Variants in TTC23 observed in about 807,000 individuals in gnomAD.
TTC23 encodes tetratricopeptide repeat domain 23.
Under a neutral mutation model 55.1 loss-of-function variants are expected in TTC23, and 58 were observed. The observed-to-expected ratio is 1.05, with a 90% CI of 0.85 to 1.31. TTC23 has a LOEUF of 1.31. Ranked by LOEUF, TTC23 falls within the 50% of genes most tolerant of loss-of-function variation. TTC23 has a pLI of 0.00. For synonymous variants in TTC23, 203 were observed against 199.9 expected (o/e 1.02, Z -0.13); for missense variants, 516 against 534.4 (o/e 0.97, Z 0.34).
chr15:99,150,348 G>C (rs941763750), intron 12 of TTC23, among the ~76,000 whole-genome samples: 9 of 152,142 alleles, frequency 5.9e-5, no homozygotes, highest in African/African-American at 2.2e-4. Flanking sequence ...CTCTAGACCC[G>C]TTGTGCCCTG....
At chr15:99,213,812 T>C (rs937051406) in intron 8 of TTC23, among the ~76,000 whole-genome samples, 1 of 152,238 alleles carries the variant, frequency 6.6e-6, no homozygotes, top group Non-Finnish European at 1.5e-5. Flanking sequence ...TTTAGGCTGT[T>C]TCCAACTCTT....
intron 8 of TTC23, among the ~76,000 whole-genome samples, chr15:99,214,462 C>T (rs770254028): frequency 2.1e-5 from 3 of 142,768 alleles, no homozygotes; most frequent in East Asian, 2.1e-4. Flanking sequence ...GAGCCGAGAT[C>T]GCGCCATTGC....
intron 10 of TTC23, among the ~76,000 whole-genome samples, chr15:99,174,159 T>A (rs561738529): frequency 2.6e-5 from 4 of 152,302 alleles, no homozygotes; most frequent in Admixed American, 2.6e-4. Context: ...GATGGACAGA[T>A]GGATAAATGC....
intron 8 of TTC23, among the ~76,000 whole-genome samples, chr15:99,214,424 G>A (rs1191693240): frequency 2.0e-5 from 3 of 148,484 alleles, no homozygotes; most frequent in Non-Finnish European, 4.4e-5. Context: ...GGAGAATGGC[G>A]TGAACCCGGG....
At chr15:99,180,460 T>C (rs942250134) in intron 9 of TTC23, among the ~76,000 whole-genome samples, 1 of 152,136 alleles carries the variant, frequency 6.6e-6, no homozygotes, top group African/African-American at 2.4e-5. Flanking sequence ...AACCACAGAT[T>C]CCTCAGTGCC....
At chr15:99,197,425 C>T (rs572308272) in intron 9 of TTC23, among the ~76,000 whole-genome samples, 1 of 151,868 alleles carries the variant, frequency 6.6e-6, no homozygotes, top group South Asian at 2.1e-4. Context: ...TATCATCACC[C>T]CAGTATTCAC....
chr15:99,182,526 T>C (rs2074252771), intron 9 of TTC23, among the ~76,000 whole-genome samples: 2 of 152,244 alleles, frequency 1.3e-5, no homozygotes, highest in African/African-American at 4.8e-5. Context: ...GAACTCTTTC[T>C]ATATTTTCTC....
intron 3 of TTC23, among the ~76,000 whole-genome samples, chr15:99,238,473 T>C (rs747433800): frequency 4.3e-4 from 66 of 152,138 alleles, no homozygotes; most frequent in Non-Finnish European, 7.5e-4. Flanking sequence ...ATGGGAATCA[T>C]TGCTGCTGCA....
At chr15:99,226,043 C>T (rs2078382402) in intron 5 of TTC23, among the ~76,000 whole-genome samples, 1 of 152,032 alleles carries the variant, frequency 6.6e-6, no homozygotes, top group Admixed American at 6.6e-5. Flanking sequence ...AGATATTCTA[C>T]AAAACAATTA....
chr15:99,234,194 T>A (rs1441789869), intron 4 of TTC23, among the ~76,000 whole-genome samples: 4 of 152,172 alleles, frequency 2.6e-5, no homozygotes, highest in Non-Finnish European at 5.9e-5. Context: ...ATCAAAATTT[T>A]AAATTTTTGC....
At chr15:99,159,555 G>C (rs1002440660) in intron 11 of TTC23, 1 of 152,374 alleles carries the variant, frequency 6.6e-6, no homozygotes, top group Non-Finnish European at 1.5e-5. Context: ...GGGCCTTCCA[G>C]GAGGAGGAAA....
intron 12 of TTC23, chr15:99,155,820 G>A (rs1405398732): frequency 1.1e-5 from 4 of 369,116 alleles, no homozygotes; most frequent in Non-Finnish European, 1.9e-5. Flanking sequence ...AATGACAATT[G>A]AAGAAAGTGT....
chr15:99,166,525 G>T (rs1239502948), intron 10 of TTC23, among the ~76,000 whole-genome samples: 4 of 152,200 alleles, frequency 2.6e-5, no homozygotes, highest in Admixed American at 2.6e-4. Context: ...CGGGTGTGAG[G>T]GAGGAAGGAA....
chr15:99,227,073 T>C (rs1269329922), intron 5 of TTC23, among the ~76,000 whole-genome samples: 1 of 152,230 alleles, frequency 6.6e-6, no homozygotes, highest in Non-Finnish European at 1.5e-5. Flanking sequence ...CAGAAGTCTG[T>C]TTGAGAAAGG....
At chr15:99,163,307 A>G (rs1011096122) in intron 10 of TTC23, among the ~76,000 whole-genome samples, 5 of 152,188 alleles carry the variant, frequency 3.3e-5, no homozygotes, top group Admixed American at 1.3e-4. Context: ...GAAGGACCTG[A>G]GCAAGAGCAG....
At chr15:99,183,330 T>C (rs955400887) in intron 9 of TTC23, among the ~76,000 whole-genome samples, 4 of 151,102 alleles carry the variant, frequency 2.6e-5, no homozygotes, top group Non-Finnish European at 4.4e-5. Context: ...CTTTTCTTTT[T>C]TTTTTTTTTG....
chr15:99,168,840 T>G (rs956189733), intron 10 of TTC23, among the ~76,000 whole-genome samples: 2 of 152,088 alleles, frequency 1.3e-5, no homozygotes, highest in African/African-American at 4.8e-5. Flanking sequence ...TTAGGGCTGC[T>G]CAGAGCCCTG....
At chr15:99,200,125 T>A in intron 8 of TTC23, 29 bp from the exon 9 acceptor site, 2 of 1,515,424 alleles carry the variant, frequency 1.3e-6, no homozygotes, top group Non-Finnish European at 1.8e-6. Context: ...TTATTTTATT[T>A]AATAATTAAA....
At chr15:99,186,270 A>G (rs1387442694) in intron 9 of TTC23, among the ~76,000 whole-genome samples, 1 of 152,218 alleles carries the variant, frequency 6.6e-6, no homozygotes, top group Admixed American at 6.5e-5. Flanking sequence ...AAGGAGCTAA[A>G]TGACTTGCCT....
Sources: gnomAD v4.1 joint callset for allele counts (sites outside exome capture counted in the v4.1 genomes callset) on GRCh38, gnomAD v4.1.1 for gene constraint, MANE v1.5 for transcripts, NCBI Gene and HGNC (gene_info 2026-07-23, HGNC 2026-07-21) for gene names.